NIM1K: variants seen among roughly 807,000 people sequenced by gnomAD.
The protein encoded by NIM1K is NIM1 serine/threonine protein kinase.
In NIM1K, 35 loss-of-function variants were observed where a neutral mutation model predicts 37.1. That is an observed-to-expected ratio of 0.94 (90% confidence interval 0.72 to 1.25). The LOEUF (loss-of-function observed/expected upper bound fraction) is 1.25, where lower values mean the gene tolerates loss of function less well. Ranked by LOEUF, NIM1K falls within the 50% of genes most tolerant of loss-of-function variation. The pLI is 0.00. For missense variants in NIM1K, 564 were observed against 548.0 expected, an observed-to-expected ratio of 1.03 and a Z score of -0.29; for synonymous variants, 234 against 206.6, an observed-to-expected ratio of 1.13 and a Z score of -1.14.
chr5:43,251,444 C>T (rs915277613), intron 2 of NIM1K, among the ~76,000 whole-genome samples: 1 of 152,186 alleles, frequency 6.6e-6, no homozygotes, highest in Non-Finnish European at 1.5e-5. Flanking sequence ...TTGGGAAGCA[C>T]TGACATCATC....
chr5:43,265,919 AG>A (rs1753147243), intron 2 of NIM1K, among the ~76,000 whole-genome samples: 1 of 152,260 alleles, frequency 6.6e-6, no homozygotes, highest in African/African-American at 2.4e-5. Context: ...GGGTATCACC[AG>A]CAGAGGCTGC....
intron 1 of NIM1K, among the ~76,000 whole-genome samples, chr5:43,220,367 C>A (rs1397270075): frequency 6.8e-6 from 1 of 147,964 alleles, no homozygotes; most frequent in Non-Finnish European, 1.5e-5. Flanking sequence ...CACACTGCAA[C>A]CTTCACCTCC....
At chr5:43,193,979 GT>G (rs1444251907) in intron 1 of NIM1K, among the ~76,000 whole-genome samples, 1 of 152,170 alleles carries the variant, frequency 6.6e-6, no homozygotes, top group Non-Finnish European at 1.5e-5. Flanking sequence ...AAGGCATGTT[GT>G]TGTTTTTTTT....
intron 2 of NIM1K, among the ~76,000 whole-genome samples, chr5:43,253,360 C>T (rs1204239065): frequency 1.3e-5 from 2 of 151,192 alleles, no homozygotes; most frequent in Non-Finnish European, 1.5e-5. Context: ...CTTACCTGTG[C>T]CCCGTGGATC....
intron 3 of NIM1K, among the ~76,000 whole-genome samples, chr5:43,278,487 C>A (rs749673383): frequency 5.9e-5 from 9 of 152,288 alleles, no homozygotes; most frequent in Non-Finnish European, 1.2e-4. Flanking sequence ...ACAGGAGGAA[C>A]CTGACTTGCA....
intron 1 of NIM1K, among the ~76,000 whole-genome samples, chr5:43,239,156 T>G (rs1435121159): frequency 6.6e-6 from 1 of 152,006 alleles, no homozygotes; most frequent in South Asian, 2.1e-4. Flanking sequence ...GCAAAGTTGC[T>G]TATCACTAAT....
intron 2 of NIM1K, among the ~76,000 whole-genome samples, chr5:43,270,854 G>A (rs1753245170): frequency 6.6e-6 from 1 of 152,202 alleles, no homozygotes; most frequent in Non-Finnish European, 1.5e-5. Context: ...TCCAGTGAAT[G>A]TCACCAGCCT....
intron 1 of NIM1K, among the ~76,000 whole-genome samples, chr5:43,202,137 T>C (rs1022596341): frequency 3.9e-5 from 6 of 152,086 alleles, no homozygotes; most frequent in African/African-American, 1.4e-4. Context: ...ACATTTATGG[T>C]CATTAATTTT....
chr5:43,206,753 A>C (rs1156972056), intron 1 of NIM1K: 5 of 755,904 alleles, frequency 6.6e-6, no homozygotes, highest in Non-Finnish European at 1.2e-5. Flanking sequence ...TTGGCACCAA[A>C]GCTGATGGTG....
At chr5:43,220,642 A>G (rs1312758279) in intron 1 of NIM1K, among the ~76,000 whole-genome samples, 1 of 152,082 alleles carries the variant, frequency 6.6e-6, no homozygotes. Context: ...CATTTGCTCT[A>G]AGGCATACAA....
At chr5:43,241,291 T>C (rs1752698542) in intron 1 of NIM1K, among the ~76,000 whole-genome samples, 1 of 151,628 alleles carries the variant, frequency 6.6e-6, no homozygotes, top group African/African-American at 2.4e-5. Flanking sequence ...TCTTCATCAT[T>C]TTTCTTTTTT....
intron 2 of NIM1K, among the ~76,000 whole-genome samples, chr5:43,270,451 G>A (rs775865029): frequency 2.0e-5 from 3 of 152,198 alleles, no homozygotes; most frequent in African/African-American, 7.2e-5. Context: ...GGAAGACATG[G>A]TGGGAAGGAC....
chr5:43,253,319 G>C (rs1212291957), intron 2 of NIM1K, among the ~76,000 whole-genome samples: 2 of 150,898 alleles, frequency 1.3e-5, no homozygotes, highest in Non-Finnish European at 2.9e-5. Flanking sequence ...AAATTGATGA[G>C]TGCTGTCCAG....
chr5:43,276,168 C>T (rs1466226638), intron 2 of NIM1K, among the ~76,000 whole-genome samples: 3 of 152,182 alleles, frequency 2.0e-5, no homozygotes, highest in Admixed American at 2.0e-4. Context: ...GCTGGGATTA[C>T]AGGCGTGAGC....
chr5:43,266,891 G>T (rs747927217), intron 2 of NIM1K, among the ~76,000 whole-genome samples: 1 of 152,178 alleles, frequency 6.6e-6, no homozygotes, highest in Non-Finnish European at 1.5e-5. Flanking sequence ...ATGTTCATCA[G>T]GAATATTGAT....
intron 2 of NIM1K, among the ~76,000 whole-genome samples, chr5:43,274,323 T>C (rs928123276): frequency 6.6e-6 from 1 of 152,104 alleles, no homozygotes; most frequent in Non-Finnish European, 1.5e-5. Flanking sequence ...TCACTGTGGA[T>C]AGAATGGTGT....
chr5:43,214,828 A>C (rs1426126521), intron 1 of NIM1K, among the ~76,000 whole-genome samples: 1 of 150,336 alleles, frequency 6.7e-6, no homozygotes, highest in African/African-American at 2.4e-5. Flanking sequence ...AAAAAAAAAA[A>C]AAACAAAAAA....
intron 3 of NIM1K, among the ~76,000 whole-genome samples, chr5:43,277,887 G>A (rs17244293): frequency 0.032 from 4,842 of 151,370 alleles, 119 homozygotes; most frequent in Non-Finnish European, 0.051. Context: ...TTTGCCTTCA[G>A]TAAGATCCCC....
At chr5:43,258,019 C>A (rs1199094320) in intron 2 of NIM1K, among the ~76,000 whole-genome samples, 1 of 152,086 alleles carries the variant, frequency 6.6e-6, no homozygotes, top group Non-Finnish European at 1.5e-5. Flanking sequence ...ACTGAAAAGA[C>A]CCATGGAAGC....
Sources: gnomAD v4.1 joint callset for allele counts (sites outside exome capture counted in the v4.1 genomes callset) on GRCh38, gnomAD v4.1.1 for gene constraint, MANE v1.5 for transcripts, NCBI Gene and HGNC (gene_info 2026-07-23, HGNC 2026-07-21) for gene names.